AIG1: variants seen among roughly 807,000 people sequenced by gnomAD.
AIG1 encodes the protein androgen-induced gene 1 protein.
Under a neutral mutation model 31.4 loss-of-function variants are expected in AIG1, and 23 were observed. The ratio of observed to expected loss-of-function variants is 0.73; its 90% CI spans 0.53 to 1.04. The LOEUF (loss-of-function observed/expected upper bound fraction) is 1.04, where lower values mean the gene tolerates loss of function less well. Among genes scored for constraint, AIG1 ranks in the 50% least tolerant of loss-of-function variants. AIG1 has a pLI of 0.00. For synonymous variants in AIG1, 100 were observed against 110.5 expected (o/e 0.90, Z 0.60); for missense variants, 274 against 295.0 (o/e 0.93, Z 0.52).
intron 1 of AIG1, among the ~76,000 whole-genome samples, chr6:143,072,278 G>A (rs1222326562): frequency 6.6e-6 from 1 of 152,106 alleles, no homozygotes; most frequent in Non-Finnish European, 1.5e-5. Flanking sequence ...TTATGTCCTG[G>A]TGATTTAACT....
chr6:143,334,215 T>C lies in AIG1; in HGVS notation c.679+770T>C. 1.0e-6 allele frequency: 1 copy of C among 991,764 alleles called. No individual in the cohort carries two copies. Among genetic ancestry groups the C allele is most frequent in the Non-Finnish European group, 1.4e-6 (1 of 696,126 alleles). 61.4% of individuals were successfully genotyped at this position (991,764 alleles called of 1,614,324 possible). ...GTAGTGATTGAGTCCTGCATGAAAA[T>C]ACATCCAAAGGCAAGATGGTTTGGA... is the stretch of plus-strand genomic sequence containing the variant. On this transcript the variant is annotated intron_variant, in intron 5 of 5. Coordinates refer to ENST00000357847, the MANE Select transcript of AIG1 (RefSeq NM_016108.4). The surrounding 1 kb of genome is among the most constrained non-coding windows in gnomAD (Gnocchi z 5.1).
intron 1 of AIG1, among the ~76,000 whole-genome samples, chr6:143,067,540 A>G (rs1776824524): frequency 6.6e-6 from 1 of 152,208 alleles, no homozygotes; most frequent in South Asian, 2.1e-4. Context: ...ACATTTAAAA[A>G]ATGTTAAAGA....
At chr6:143,336,601 AT>A (rs1378641049) in intron 5 of AIG1, among the ~76,000 whole-genome samples, 2 of 152,220 alleles carry the variant, frequency 1.3e-5, no homozygotes, top group Non-Finnish European at 2.9e-5. Context: ...CAGCATATGA[AT>A]TTGGAAGTGG....
intron 2 of AIG1, among the ~76,000 whole-genome samples, chr6:143,148,317 A>AACCAAACCCTG (rs1784875509): frequency 6.8e-6 from 1 of 148,060 alleles, no homozygotes; most frequent in African/African-American, 2.5e-5. Context: ...CCTGGGGAAC[A>AACCAAACCCTG]TAGTGAGATC....
chr6:143,269,490 C>T (rs1459059092), intron 3 of AIG1, among the ~76,000 whole-genome samples: 2 of 152,168 alleles, frequency 1.3e-5, no homozygotes, highest in Non-Finnish European at 2.9e-5. Context: ...AAGAAAAATG[C>T]ACGCATGCCC....
At chr6:143,277,037 C>G (rs1028941326) in intron 3 of AIG1, among the ~76,000 whole-genome samples, 9 of 152,156 alleles carry the variant, frequency 5.9e-5, no homozygotes, top group South Asian at 2.1e-4. Context: ...AGCCTAGAAG[C>G]TTTGCCAAAG....
At chr6:143,196,395 A>ACACACACACACC (rs1554256854) in intron 3 of AIG1, among the ~76,000 whole-genome samples, 7 of 136,862 alleles carry the variant, frequency 5.1e-5, no homozygotes, top group African/African-American at 8.2e-5. Context: ...ACACACACAC[A>ACACACACACACC]CCCCAATTTG....
intron 1 of AIG1, among the ~76,000 whole-genome samples, chr6:143,062,977 C>G (rs1405553082): frequency 1.3e-5 from 2 of 152,140 alleles, no homozygotes; most frequent in African/African-American, 2.4e-5. Flanking sequence ...ATCACTCTTG[C>G]AGTAGATGCT....
rs141030431 is a variant in AIG1 at position 143,155,392 on chromosome 6, G to C, written c.298-9690G>C. On this transcript the variant is annotated intron_variant, in intron 2 of 5. Transcript: ENST00000357847. ...CAGCTCAGGAGAGGCTTCTTCTTGTGGGGGGGATATCTAAGCTCCCATTTC... is the reference window on the plus strand; with the variant it reads ...CAGCTCAGGAGAGGCTTCTTCTTGTCGGGGGGATATCTAAGCTCCCATTTC... 4.5e-3 allele frequency among the ~76,000 whole-genome samples: 680 copies of C among 152,148 alleles called. 8 individuals carry two copies. The highest frequency in any genetic ancestry group is 0.015 in the African/African-American group (640 of 41,506).
At chr6:143,260,712 C>A (rs1223638387) in intron 3 of AIG1, among the ~76,000 whole-genome samples, 1 of 152,080 alleles carries the variant, frequency 6.6e-6, no homozygotes, top group African/African-American at 2.4e-5. Flanking sequence ...CTTTTTAAGC[C>A]CATTTTATAG....
At chr6:143,227,403 T>C (rs1793072163) in intron 3 of AIG1, among the ~76,000 whole-genome samples, 1 of 152,162 alleles carries the variant, frequency 6.6e-6, no homozygotes, top group Non-Finnish European at 1.5e-5. Flanking sequence ...TCATCCCCAT[T>C]TGGCCCTATT....
intron 3 of AIG1, among the ~76,000 whole-genome samples, chr6:143,244,261 A>G (rs1336176526): frequency 2.0e-5 from 3 of 152,228 alleles, no homozygotes; most frequent in Non-Finnish European, 2.9e-5. Context: ...GAGTTCCCTT[A>G]TCAATCAAGG....
intron 1 of AIG1, among the ~76,000 whole-genome samples, chr6:143,064,113 T>G (rs1484857446): frequency 6.6e-6 from 1 of 152,224 alleles, no homozygotes; most frequent in Non-Finnish European, 1.5e-5. Context: ...CAAAGATGTT[T>G]ACATTCTCAT....
At position 143,334,001 on chromosome 6, in the gene AIG1, T is replaced by C; in HGVS notation, c.679+556T>C. ...GAAAGTGGCAAAGAGCTACAAGCAG[T>C]AAAAGATAATATTTCGTGGCTGGAA... On this transcript the variant is annotated intron_variant, in intron 5 of 5. Coordinates refer to ENST00000357847, the MANE Select transcript of AIG1 (RefSeq NM_016108.4). The surrounding 1 kb of genome is among the most constrained non-coding windows in gnomAD (Gnocchi z 5.1). 3 of 1,489,042 alleles carry C rather than the reference T, an allele frequency of 2.0e-6. No individual in the cohort carries two copies. Among genetic ancestry groups the C allele is most frequent in the African/African-American group, 1.4e-5 (1 of 71,632 alleles). 92.2% of individuals were successfully genotyped at this position (1,489,042 alleles called of 1,614,324 possible). A position where few individuals can be genotyped will look rare whatever the true frequency, so the allele number is the denominator to read the frequency against.
chr6:143,287,737 T>TAAAAAAAA (rs59551903), intron 4 of AIG1, among the ~76,000 whole-genome samples: 4 of 78,042 alleles, frequency 5.1e-5, no homozygotes, highest in African/African-American at 1.6e-4. Context: ...CTGACTACAG[T>TAAAAAAAA]AAAAAAAAAA....
chr6:143,135,359 G>T (rs926531373), intron 1 of AIG1, among the ~76,000 whole-genome samples: 7 of 151,994 alleles, frequency 4.6e-5, no homozygotes, highest in Non-Finnish European at 8.8e-5. Flanking sequence ...AGAAAGATAT[G>T]AATAGGAATA....
chr6:143,272,834 T>G (rs1358086414), intron 3 of AIG1, among the ~76,000 whole-genome samples: 1 of 121,246 alleles, frequency 8.2e-6, no homozygotes, highest in Non-Finnish European at 1.8e-5. Context: ...CACCTGAAAA[T>G]AGTGGGAAGA....
rs1360664768 is a variant in AIG1, at chr6:143,136,825, C to T, written c.142-10C>T. On this transcript the variant is annotated splice_polypyrimidine_tract_variant and intron_variant, in intron 1 of 5. Transcript: ENST00000357847. ...CTTAATGACTCATACCGGCTGTTGT[C>T]CCCCTACAGGTTATCCAGGCTGTCT... 11 of 1,375,996 alleles carry T rather than the reference C, an allele frequency of 8.0e-6. No homozygotes were observed. The highest frequency in any genetic ancestry group is 9.5e-6 in the Non-Finnish European group (10 of 1,049,122). The allele number at this position is 1,375,996 out of a possible 1,614,324, so 85.2% of individuals were successfully genotyped here.
At chr6:143,151,563 C>A (rs1785225337) in intron 2 of AIG1, among the ~76,000 whole-genome samples, 1 of 152,166 alleles carries the variant, frequency 6.6e-6, no homozygotes, top group Admixed American at 6.5e-5. Context: ...GTGAGATAGT[C>A]ATTTGTGGGT....
Sources: gnomAD v4.1 joint callset for allele counts (sites outside exome capture counted in the v4.1 genomes callset) on GRCh38, gnomAD v4.1.1 for gene constraint, Gnocchi (gnomAD v3.1) non-coding constraint, MANE v1.5 for transcripts, NCBI Gene and HGNC (gene_info 2026-07-23, HGNC 2026-07-21) for gene names.